The following RBPJ variants were observed in gnomAD, a reference collection of about 807,000 sequenced individuals.
RBPJ encodes recombining binding protein suppressor of hairless.
A neutral mutation model predicts 67.8 loss-of-function variants in RBPJ; 9 were observed. The ratio of observed to expected loss-of-function variants is 0.13; its 90% CI spans 0.08 to 0.23. The LOEUF (loss-of-function observed/expected upper bound fraction) is 0.23. RBPJ is among the 10% of genes least tolerant of loss of function. RBPJ has a pLI of 1.00. For synonymous variants in RBPJ, 198 were observed against 203.3 expected (o/e 0.97, Z 0.22); for missense variants, 305 against 595.6 (o/e 0.51, Z 5.08).
intron 1 of RBPJ, among the ~76,000 whole-genome samples, chr4:26,192,664 G>A (rs557015168): frequency 3.9e-4 from 60 of 152,294 alleles, no homozygotes; most frequent in Middle Eastern, 3.4e-3. Context: ...CAGTGGGCTG[G>A]CAGTTGGAAG....
chr4:26,362,948 T>C (rs1728231078), intron 1 of RBPJ, among the ~76,000 whole-genome samples: 1 of 152,172 alleles, frequency 6.6e-6, no homozygotes, highest in African/African-American at 2.4e-5. Context: ...TGTAATTATC[T>C]TTTACATCAT....
At chr4:26,106,854 C>A in the RBPJ span, among the ~76,000 whole-genome samples, 2 of 152,152 alleles carry the variant, frequency 1.3e-5, no homozygotes, top group Non-Finnish European at 1.5e-5. Flanking sequence ...TGCACATGGA[C>A]CTGGGAGAGA....
intron 1 of RBPJ, among the ~76,000 whole-genome samples, chr4:26,168,727 T>C (rs1716424112): frequency 6.6e-6 from 1 of 152,356 alleles, no homozygotes; most frequent in African/African-American, 2.4e-5. Flanking sequence ...GCAGATTTGG[T>C]CTTTTCACAT....
At chr4:26,201,037 A>T (rs1717963897) in intron 1 of RBPJ, among the ~76,000 whole-genome samples, 1 of 152,158 alleles carries the variant, frequency 6.6e-6, no homozygotes, top group Non-Finnish European at 1.5e-5. Context: ...ATGAGTATCC[A>T]TTCACCATCT....
intron 1 of RBPJ, among the ~76,000 whole-genome samples, chr4:26,361,404 G>C (rs1253752103): frequency 6.6e-6 from 1 of 152,094 alleles, no homozygotes; most frequent in African/African-American, 2.4e-5. Context: ...ATTTTCATCA[G>C]TTACATCTAC....
chr4:26,143,953 C>G, the RBPJ span, among the ~76,000 whole-genome samples: 1 of 151,950 alleles, frequency 6.6e-6, no homozygotes, highest in Admixed American at 6.6e-5. Context: ...AACAGATTCA[C>G]ATTAAAAAAT....
intron 1 of RBPJ, among the ~76,000 whole-genome samples, chr4:26,258,203 G>A (rs1720407596): frequency 6.6e-6 from 1 of 152,168 alleles, no homozygotes; most frequent in Admixed American, 6.5e-5. Flanking sequence ...AGTGGTCCAT[G>A]GTTATGATTT....
chr4:26,363,953 T>G lies in RBPJ; in HGVS notation c.21-22400T>G, dbSNP rs554119287. The stretch of plus-strand genomic sequence containing the variant: ...GATGTAATGAAAATTTTCTTAATTA[T>G]ATGAAATCTTGGAAACCTGATTTTC... On this transcript the variant is annotated intron_variant, in intron 1 of 10. Transcript: ENST00000355476. Among the ~76,000 whole-genome samples, 20 of 152,326 alleles carry G rather than the reference T, an allele frequency of 1.3e-4. No individual in the cohort carries two copies. The East Asian group carries it at 2.5e-3, about 19-fold the overall frequency.
chr4:26,191,210 T>TAGAGAG (rs545388933), intron 1 of RBPJ, among the ~76,000 whole-genome samples: 287 of 26,802 alleles, frequency 0.011, 8 homozygotes, highest in Non-Finnish European at 0.013. Flanking sequence ...TATATATATA[T>TAGAGAG]AGAGAGAGAG....
intron 2 of RBPJ, among the ~76,000 whole-genome samples, chr4:26,401,171 C>T (rs963583708): frequency 6.6e-6 from 1 of 152,222 alleles, no homozygotes; most frequent in Admixed American, 6.5e-5. Flanking sequence ...TTTAAAGTGT[C>T]CCCCTGCCCC....
chr4:26,121,869 C>A, the RBPJ span, among the ~76,000 whole-genome samples: 1 of 97,990 alleles, frequency 1.0e-5, no homozygotes. Context: ...GAGTGAGTAT[C>A]TCTCTTTTTT....
At chr4:26,329,799 C>G (rs1419546342) in intron 1 of RBPJ, among the ~76,000 whole-genome samples, 1 of 151,514 alleles carries the variant, frequency 6.6e-6, no homozygotes, top group African/African-American at 2.4e-5. Flanking sequence ...GAGGCTGAGG[C>G]AGGAGAATGG....
chr4:26,377,087 C>T (rs935608968), intron 1 of RBPJ, among the ~76,000 whole-genome samples: 1 of 152,156 alleles, frequency 6.6e-6, no homozygotes, highest in African/African-American at 2.4e-5. Context: ...GGGACCATTT[C>T]GGTTTCACAG....
chr4:26,390,170 A>G (rs1056123231), intron 2 of RBPJ, among the ~76,000 whole-genome samples: 2 of 152,224 alleles, frequency 1.3e-5, no homozygotes, highest in African/African-American at 4.8e-5. Context: ...AAGGAAAATC[A>G]TATAGTTATC....
At chr4:26,124,151 A>G in the RBPJ span, among the ~76,000 whole-genome samples, 1 of 151,840 alleles carries the variant, frequency 6.6e-6, no homozygotes, top group African/African-American at 2.4e-5. Flanking sequence ...GACACCCATC[A>G]GCCGAGCAGT....
At chr4:26,272,848 T>C (rs562473186) in intron 1 of RBPJ, 55 of 324,596 alleles carry the variant, frequency 1.7e-4, no homozygotes, top group African/African-American at 9.1e-4. Context: ...AAACCATACA[T>C]TGCGCAGAAA....
intron 1 of RBPJ, among the ~76,000 whole-genome samples, chr4:26,263,258 TCCACA>T (rs1244165643): frequency 6.6e-6 from 1 of 152,160 alleles, no homozygotes; most frequent in Non-Finnish European, 1.5e-5. Context: ...GCCACTTTCA[TCCACA>T]CACTTAGACA....
intron 3 of RBPJ, among the ~76,000 whole-genome samples, chr4:26,408,562 T>G (rs1733708455): frequency 6.6e-6 from 1 of 152,200 alleles, no homozygotes; most frequent in Non-Finnish European, 1.5e-5. Context: ...CACCTCATAG[T>G]GAATCCGAGG....
the RBPJ span, among the ~76,000 whole-genome samples, chr4:26,142,974 G>A: frequency 5.3e-5 from 8 of 152,160 alleles, no homozygotes; most frequent in African/African-American, 7.2e-5. Context: ...TAGAGATGGG[G>A]TTTCATCATG....
Sources: allele counts gnomAD v4.1 joint callset (sites outside exome capture counted in the v4.1 genomes callset), GRCh38; gene constraint gnomAD v4.1.1; transcripts MANE v1.5; gene names NCBI Gene and HGNC (gene_info 2026-07-23, HGNC 2026-07-21).